Variants in SUMF1 observed in about 807,000 individuals in gnomAD.
The protein encoded by SUMF1 is sulfatase modifying factor 1, also known as formylglycine-generating enzyme.
SUMF1 carries 48 observed loss-of-function variants against 47.6 expected under a neutral mutation model. The observed-to-expected ratio is 1.01, with a 90% CI of 0.80 to 1.28. SUMF1 has a LOEUF of 1.28. Among genes scored for constraint, SUMF1 ranks in the 50% most tolerant of loss-of-function variants. SUMF1 has a pLI of 0.00. For missense variants in SUMF1, 571 were observed against 485.4 expected (o/e 1.18, Z -1.66); for synonymous variants, 230 against 192.1 (o/e 1.20, Z -1.63).
At chr3:4,078,012 C>G (rs1351498239) in intron 8 of SUMF1, among the ~76,000 whole-genome samples, 1 of 152,028 alleles carries the variant, frequency 6.6e-6, no homozygotes, top group Non-Finnish European at 1.5e-5. Flanking sequence ...CAAGAGGGCC[C>G]ATATTTTCAC....
At chr3:4,379,971 C>CA (rs150980559) in intron 7 of SUMF1, among the ~76,000 whole-genome samples, 2,969 of 151,046 alleles carry the variant, frequency 0.02, 86 homozygotes, top group African/African-American at 0.068. Context: ...ATTAATAAAT[C>CA]AAAATTAACA....
intron 8 of SUMF1, among the ~76,000 whole-genome samples, chr3:4,093,684 A>T (rs1427199673): frequency 1.3e-5 from 2 of 152,138 alleles, no homozygotes; most frequent in East Asian, 3.8e-4. Flanking sequence ...CAATAAGGGA[A>T]AAGGCTGGAC....
chr3:4,184,285 G>C (rs957522634), intron 8 of SUMF1, among the ~76,000 whole-genome samples: 1 of 151,836 alleles, frequency 6.6e-6, no homozygotes, highest in Non-Finnish European at 1.5e-5. Flanking sequence ...GCAAAACCCT[G>C]TCTCTACTAA....
chr3:4,338,890 T>A (rs987468525), intron 8 of SUMF1, among the ~76,000 whole-genome samples: 1 of 152,162 alleles, frequency 6.6e-6, no homozygotes, highest in Admixed American at 6.5e-5. Flanking sequence ...TATGTCTAGC[T>A]ACTCTATGAG....
chr3:4,441,074 G>A (rs1251672279), intron 3 of SUMF1, among the ~76,000 whole-genome samples: 1 of 152,124 alleles, frequency 6.6e-6, no homozygotes, highest in Admixed American at 6.5e-5. Flanking sequence ...TTGGGAACCG[G>A]GCCAAACAGC....
At chr3:4,196,248 T>C (rs1163006753) in intron 8 of SUMF1, among the ~76,000 whole-genome samples, 1 of 152,128 alleles carries the variant, frequency 6.6e-6, no homozygotes, top group Non-Finnish European at 1.5e-5. Context: ...ACTCCAATCA[T>C]AAGGTCCCAT....
rs546319358 is a variant in SUMF1, at chr3:4,086,984, G to A, written c.1015-18239C>T. 7.2e-5 allele frequency among the ~76,000 whole-genome samples: 11 copies of A among 152,232 alleles called. No individual in the cohort carries two copies. In the South Asian group the frequency reaches 2.1e-3, roughly 29 times the overall value. ...CTATAAATTACCCAGTCTTGGGTAT[G>A]TCTTTATCAGTAGCGTGAAAACAGA... On this transcript the variant is annotated intron_variant and NMD_transcript_variant, in intron 8 of 12. Coordinates refer to the SUMF1 transcript ENST00000448413.
chr3:4,123,597 T>C (rs1042977739), intron 8 of SUMF1, among the ~76,000 whole-genome samples: 4 of 152,210 alleles, frequency 2.6e-5, no homozygotes, highest in African/African-American at 9.7e-5. Context: ...AGAAAGAGTT[T>C]AGTCATTTTC....
intron 8 of SUMF1, among the ~76,000 whole-genome samples, chr3:4,219,333 G>T (rs1024637426): frequency 6.6e-6 from 1 of 152,158 alleles, no homozygotes; most frequent in Admixed American, 6.6e-5. Flanking sequence ...TTTTACAGAT[G>T]AGGAAAGCTG....
At chr3:4,074,222 C>T (rs558927778) in intron 8 of SUMF1, among the ~76,000 whole-genome samples, 114 of 152,258 alleles carry the variant, frequency 7.5e-4, no homozygotes, top group African/African-American at 2.6e-3. Flanking sequence ...AACTGATCAA[C>T]CTGCTCCTCA....
At chr3:4,168,713 C>T (rs1373126584) in intron 8 of SUMF1, among the ~76,000 whole-genome samples, 1 of 152,162 alleles carries the variant, frequency 6.6e-6, no homozygotes, top group East Asian at 1.9e-4. Context: ...TCATTTCATA[C>T]TTTATCTCTC....
chr3:4,455,695 C>T (rs767485278), intron 1 of SUMF1, among the ~76,000 whole-genome samples: 83 of 152,160 alleles, frequency 5.5e-4, no homozygotes, highest in Non-Finnish European at 8.1e-4. Flanking sequence ...CCAGCCTGGG[C>T]GACACAGCAA....
intron 8 of SUMF1, among the ~76,000 whole-genome samples, chr3:4,117,972 T>C (rs1300091152): frequency 6.6e-6 from 1 of 151,914 alleles, no homozygotes; most frequent in Non-Finnish European, 1.5e-5. Flanking sequence ...TTTTTAAACA[T>C]CCAAAACAAG....
chr3:4,432,871 T>A (rs935441369), intron 3 of SUMF1, among the ~76,000 whole-genome samples: 1 of 152,176 alleles, frequency 6.6e-6, no homozygotes, highest in African/African-American at 2.4e-5. Flanking sequence ...TAAACATTAT[T>A]TTTCATGAAA....
chr3:4,142,564 C>T (rs1251252591), intron 8 of SUMF1, among the ~76,000 whole-genome samples: 1 of 152,046 alleles, frequency 6.6e-6, no homozygotes, highest in Non-Finnish European at 1.5e-5. Flanking sequence ...TTTGTATACT[C>T]GATAGTACCT....
chr3:4,348,804 G>A (rs1013229606), intron 8 of SUMF1, among the ~76,000 whole-genome samples: 4 of 152,182 alleles, frequency 2.6e-5, no homozygotes, highest in African/African-American at 9.7e-5. Flanking sequence ...GAACCCAGAA[G>A]GCAGAGGTTG....
At chr3:4,100,679 T>A (rs1463050284) in intron 8 of SUMF1, among the ~76,000 whole-genome samples, 1 of 151,416 alleles carries the variant, frequency 6.6e-6, no homozygotes, top group Non-Finnish European at 1.5e-5. Flanking sequence ...TTAGATTACA[T>A]CAAACTAAAA....
intron 8 of SUMF1, among the ~76,000 whole-genome samples, chr3:4,085,211 AAG>A (rs1432312640): frequency 1.3e-5 from 2 of 152,058 alleles, no homozygotes; most frequent in Non-Finnish European, 2.9e-5. Context: ...CCAGTACTTC[AAG>A]TAGGGATAAA....
At chr3:4,046,886 G>C (rs1482168887) in intron 9 of SUMF1, among the ~76,000 whole-genome samples, 2 of 151,622 alleles carry the variant, frequency 1.3e-5, no homozygotes, top group African/African-American at 2.4e-5. Flanking sequence ...CTTTCCAGGA[G>C]GCTTCCCTTC....
Sources: allele counts gnomAD v4.1 joint callset (sites outside exome capture counted in the v4.1 genomes callset), GRCh38; gene constraint gnomAD v4.1.1; transcripts MANE v1.5; gene names NCBI Gene and HGNC (gene_info 2026-07-23, HGNC 2026-07-21).